TMEM245: variants seen among roughly 807,000 people sequenced by gnomAD.
TMEM245 encodes protein CG-2.
In TMEM245, 69 loss-of-function variants were observed where a neutral mutation model predicts 101.2. The ratio of observed to expected loss-of-function variants is 0.68; its 90% CI spans 0.56 to 0.83. The LOEUF (loss-of-function observed/expected upper bound fraction) is 0.83, where lower values mean the gene tolerates loss of function less well. Ranked by LOEUF, TMEM245 falls within the 40% of genes least tolerant of loss-of-function variation. The pLI is 0.00. For missense variants in TMEM245, 1,075 were observed against 1,092.8 expected (o/e 0.98, Z 0.23); for synonymous variants, 537 against 449.8 (o/e 1.19, Z -2.45).
chr9:109,041,453 ATTTTTTTTTTTTTTT>A (rs1193341550), intron 14 of TMEM245, among the ~76,000 whole-genome samples: 2 of 83,208 alleles, frequency 2.4e-5, no homozygotes, highest in South Asian at 4.6e-4. Flanking sequence ...CATCCTACAA[ATTTTTTTTTTTTTTT>A]TTTTTTTTTT....
intron 14 of TMEM245, among the ~76,000 whole-genome samples, chr9:109,044,657 C>T (rs182596715): frequency 3.3e-5 from 5 of 152,054 alleles, no homozygotes. Context: ...CTTGACTGCT[C>T]TCTACATATT....
chr9:109,102,250 T>TATAAA (rs922656718), intron 3 of TMEM245, among the ~76,000 whole-genome samples: 28 of 152,114 alleles, frequency 1.8e-4, no homozygotes, highest in South Asian at 1.5e-3. Context: ...GACACCAAAA[T>TATAAA]ATAAAATAAA....
chr9:109,037,949 T>C, intron 15 of TMEM245, 68 bp downstream of exon 15: 1 of 1,288,810 alleles, frequency 7.8e-7, no homozygotes. Context: ...AGACATTTCC[T>C]AGATGTATGT....
At chr9:109,038,278 TTAC>T in intron 14 of TMEM245, 161 bp from the exon 15 acceptor site, 1 of 475,206 alleles carries the variant, frequency 2.1e-6, no homozygotes, top group Non-Finnish European at 3.7e-6. Context: ...CATAAACACC[TTAC>T]TTTAAATACA....
At chr9:109,064,054 A>T (rs543782368) in intron 10 of TMEM245, among the ~76,000 whole-genome samples, 1 of 152,380 alleles carries the variant, frequency 6.6e-6, no homozygotes, top group South Asian at 2.1e-4. Context: ...AAAGCAGGCA[A>T]AATAATTCAT....
rs1338483828 is a variant in TMEM245, at chr9:109,015,419, C to T, written c.*5041G>A. 1 of 152,170 alleles carries T rather than the reference C, an allele frequency of 6.6e-6. No individual in the cohort carries two copies. Among genetic ancestry groups the T allele is most frequent in the Non-Finnish European group, 1.5e-5 (1 of 68,022 alleles). 9.4% of individuals were successfully genotyped at this position (152,170 alleles called of 1,614,324 possible). ...AAAATCAAATTGTACTGGAAATACA[C>T]TTCAGTTACCTAAATAAGTGGCACT... On this transcript the variant is annotated 3_prime_UTR_variant, in exon 18 of 18. Coordinates refer to ENST00000374586, the MANE Select transcript of TMEM245 (RefSeq NM_032012.4).
intron 1 of TMEM245, among the ~76,000 whole-genome samples, chr9:109,118,512 G>T (rs1216310145): frequency 1.3e-5 from 2 of 152,206 alleles, no homozygotes; most frequent in Non-Finnish European, 2.9e-5. Context: ...GTTAGGAATT[G>T]TGTCACTAGA....
chr9:109,080,968 T>G (rs1444377577), intron 7 of TMEM245, 25 bp from the exon 8 acceptor site: 1 of 1,411,498 alleles, frequency 7.1e-7, no homozygotes, highest in South Asian at 1.2e-5. Context: ...AAAAGAGAAT[T>G]ACTTATCTTT....
rs377632060 is a variant in TMEM245 at position 109,119,727 on chromosome 9, C to A, written c.187G>T (p.Val63Leu). The change falls in exon 1 of 18, where the codon GTG (valine) becomes TTG (leucine). Residue 63 changes from valine (V) to leucine (L), a missense_variant. Physicochemically the swap from Val to Leu is conservative, Grantham distance 32. This residue lies in a region of TMEM245 where 808 missense variants were observed against 741.5 expected (regional missense o/e 1.09). Transcript: ENST00000374586. ...ACCGCGGCGCCGCAGCACAGGCACACGAACAGCACGGCCCCGGTGTTGTAG... is the reference window on the plus strand; with the variant it reads ...ACCGCGGCGCCGCAGCACAGGCACAAGAACAGCACGGCCCCGGTGTTGTAG... Reference protein sequence around the residue: ...AFYNTGAVLFVCLCCGAAVLV... With the variant: ...AFYNTGAVLFLCLCCGAAVLV... 6.5e-7 allele frequency: 1 copy of A among 1,544,766 alleles called. No individual in the cohort carries two copies.
At position 109,073,355 on chromosome 9, in the gene TMEM245, C is replaced by G; in HGVS notation, c.1532+1G>C. On this transcript the variant is annotated splice_donor_variant, in intron 9 of 17. Transcript: ENST00000374586. LOFTEE classifies it high-confidence loss of function. Reference sequence around the variant, plus strand: ...CTTCTTTTTCAAAACAATATTCTTACTTTGCCCACTCAGGGTGATTTGCTA... The same window carrying G: ...CTTCTTTTTCAAAACAATATTCTTAGTTTGCCCACTCAGGGTGATTTGCTA... 6.2e-7 allele frequency: 1 copy of G among 1,609,624 alleles called. No individual in the cohort carries two copies. Among genetic ancestry groups the G allele is most frequent in the Non-Finnish European group, 8.5e-7 (1 of 1,176,482 alleles).
In TMEM245 at chr9:109,106,493, T is replaced by C; in HGVS notation, c.799+15A>G. The C allele has an allele frequency of 2.6e-6, 4 of 1,550,604 alleles. No individual in the cohort carries two copies. The highest frequency in any genetic ancestry group is 3.5e-6 in the Non-Finnish European group (4 of 1,130,808). ...ACTTCAAAGAGTAGTATTAATAGAA[T>C]GCCCTATTTCTTACCAGAAGACTCT... On this transcript the variant is annotated intron_variant, in intron 3 of 17. Coordinates refer to ENST00000374586, the MANE Select transcript of TMEM245 (RefSeq NM_032012.4).
chr9:109,067,332 T>C (rs188188453), intron 9 of TMEM245, among the ~76,000 whole-genome samples: 26 of 152,264 alleles, frequency 1.7e-4, no homozygotes, highest in Non-Finnish European at 3.2e-4. Flanking sequence ...CTTACACCTC[T>C]ACAGCCCCTG....
chr9:109,086,829 C>T (rs1829853896), intron 6 of TMEM245, among the ~76,000 whole-genome samples: 1 of 152,166 alleles, frequency 6.6e-6, no homozygotes, highest in African/African-American at 2.4e-5. Flanking sequence ...ATGGTAATTA[C>T]TCCAAAAATA....
At chr9:109,116,124 G>A (rs1336887446) in intron 1 of TMEM245, among the ~76,000 whole-genome samples, 1 of 152,202 alleles carries the variant, frequency 6.6e-6, no homozygotes, top group Non-Finnish European at 1.5e-5. Flanking sequence ...TGGATGAACT[G>A]TCAAGTCATC....
intron 9 of TMEM245, among the ~76,000 whole-genome samples, chr9:109,066,662 C>A (rs1200186533): frequency 8.6e-5 from 13 of 151,520 alleles, no homozygotes; most frequent in Non-Finnish European, 1.9e-4. Context: ...TAAATATTTT[C>A]AATTATATGG....
intron 15 of TMEM245, 75 bp downstream of exon 15, chr9:109,037,942 C>T (rs1340634999): frequency 1.0e-5 from 12 of 1,205,938 alleles, no homozygotes; most frequent in Non-Finnish European, 1.3e-5. Flanking sequence ...AGGAAGTAGA[C>T]ATTTCCTAGA....
Position 109,106,863 on chromosome 9 carries a change from A to G in TMEM245, c.698-254T>C, listed in dbSNP as rs1024408624. On this transcript the variant is annotated intron_variant, in intron 2 of 17. Coordinates refer to ENST00000374586, the MANE Select transcript of TMEM245 (RefSeq NM_032012.4). ...GCCTGCCTACCTTTAATGGGGTTCT[A>G]TTAAAGAGAGTCTATTGTAACGTAT... Among the ~76,000 whole-genome samples the G allele has an allele frequency of 2.0e-5, 3 of 152,204 alleles. No individual in the cohort carries two copies. The East Asian group carries it at 5.8e-4, about 29-fold the overall frequency.
intron 3 of TMEM245, 118 bp from the exon 4 acceptor site, chr9:109,093,709 G>A: frequency 6.2e-6 from 5 of 805,442 alleles, no homozygotes; most frequent in Non-Finnish European, 1.0e-5. Context: ...CTGACCCACT[G>A]AATAAGTGGT....
At chr9:109,027,745 G>A (rs892661882) in intron 17 of TMEM245, among the ~76,000 whole-genome samples, 4 of 152,046 alleles carry the variant, frequency 2.6e-5, no homozygotes, top group African/African-American at 7.2e-5. Flanking sequence ...ATGTGCAATG[G>A]TGCAATCTCT....
Sources: gnomAD v4.1 joint callset for allele counts (sites outside exome capture counted in the v4.1 genomes callset) on GRCh38, gnomAD v4.1.1 for gene constraint, gnomAD v4.1.1 regional missense constraint, MANE v1.5 for transcripts, NCBI Gene and HGNC (gene_info 2026-07-23, HGNC 2026-07-21) for gene names.